The following AP5Z1 variants were observed in gnomAD, a reference collection of about 807,000 sequenced individuals.
The protein encoded by AP5Z1 is adaptor related protein complex 5 subunit zeta 1, also known as AP-5 complex subunit zeta-1.
In AP5Z1, 106 loss-of-function variants were observed where a neutral mutation model predicts 83.0. The observed-to-expected ratio is 1.28, with a 90% confidence interval of 1.09 to 1.50. The LOEUF (loss-of-function observed/expected upper bound fraction) is 1.50. Among genes scored for constraint, AP5Z1 ranks in the 40% most tolerant of loss-of-function variants. AP5Z1 has a pLI of 0.00. For missense variants in AP5Z1, 1,565 were observed against 1,094.2 expected (o/e 1.43, Z -6.07); for synonymous variants, 751 against 514.1 (o/e 1.46, Z -6.23).
In AP5Z1 at chr7:4,788,251, T is replaced by C. The variant is rs1430448695; in HGVS notation, c.1552T>C (p.Phe518Leu). The change falls in exon 12 of 17, where the codon TTC becomes CTC. Residue 518 changes from phenylalanine to leucine, a missense_variant. Coordinates refer to ENST00000649063, the MANE Select transcript of AP5Z1 (RefSeq NM_014855.3). ...CCGGGACCCGCAGTTCCAGGGTCTT[T>C]TCCAATACCTGCTGCGCCCCAAGGC... ...AFRDPQFQGL[F>L]QYLLRPKASG... 1.3e-6 allele frequency: 2 copies of C among 1,587,826 alleles called. No homozygotes were observed. Among genetic ancestry groups the C allele is most frequent in the South Asian group, 1.1e-5 (1 of 87,154 alleles).
chr7:4,787,565 C>G, intron 10 of AP5Z1, 69 bp from the exon 11 acceptor site: 2 of 1,511,604 alleles, frequency 1.3e-6, no homozygotes, highest in Non-Finnish European at 1.8e-6. Context: ...GGGGCCCTAG[C>G]TGGCTCCTCC....
At chr7:4,785,376 G>T (rs770341658) in intron 7 of AP5Z1, 39 bp from the exon 8 acceptor site, 133 of 1,608,064 alleles carry the variant, frequency 8.3e-5, no homozygotes, top group Non-Finnish European at 1.1e-4. Context: ...CCACTCTAAG[G>T]CTGAGACAGA....
chr7:4,779,585 C>G (rs1466972674), intron 1 of AP5Z1, among the ~76,000 whole-genome samples: 1 of 151,562 alleles, frequency 6.6e-6, no homozygotes, highest in Non-Finnish European at 1.5e-5. Flanking sequence ...AGTTCTCCCA[C>G]CTCAGCCTTT....
intron 11 of AP5Z1, 70 bp from the exon 12 acceptor site, chr7:4,788,084 C>T (rs1012060635): frequency 2.7e-5 from 39 of 1,454,822 alleles, no homozygotes; most frequent in South Asian, 4.3e-5. Flanking sequence ...TGCCGTGTGT[C>T]TCCCTGACGG....
At chr7:4,776,988 T>A (rs1339785373) in intron 1 of AP5Z1, among the ~76,000 whole-genome samples, 2 of 152,146 alleles carry the variant, frequency 1.3e-5, no homozygotes, top group Non-Finnish European at 2.9e-5. Flanking sequence ...TGGTTGAAAT[T>A]GCTGTGATTA....
In AP5Z1 at chr7:4,793,587, C is replaced by T. The variant is rs1217615181; in HGVS notation, c.*2202C>T. 1 of 152,418 alleles carries T rather than the reference C, an allele frequency of 6.6e-6. No individual in the cohort carries two copies. The highest frequency in any genetic ancestry group is 1.5e-5 in the Non-Finnish European group (1 of 68,172). 9.4% of individuals were successfully genotyped at this position (152,418 alleles called of 1,614,324 possible). ...GGTGCTTGCGGGCCAGCGCGAGTTCCGGGTGGGCGTGGGCTCTGTGGGCCC... is the reference window on the plus strand; with the variant it reads ...GGTGCTTGCGGGCCAGCGCGAGTTCTGGGTGGGCGTGGGCTCTGTGGGCCC... On this transcript the variant is annotated 3_prime_UTR_variant, in exon 17 of 17. Coordinates refer to ENST00000649063, the MANE Select transcript of AP5Z1 (RefSeq NM_014855.3).
intron 13 of AP5Z1, chr7:4,789,161 GT>G: frequency 1.9e-6 from 1 of 525,178 alleles, no homozygotes; most frequent in Non-Finnish European, 3.4e-6. Flanking sequence ...AGCAGGCCCC[GT>G]TCCCCAGTCC....
At chr7:4,791,074 G>C in intron 16 of AP5Z1, 41 bp from the exon 17 acceptor site, 1 of 1,527,852 alleles carries the variant, frequency 6.5e-7, no homozygotes, top group Non-Finnish European at 8.8e-7. Flanking sequence ...TGTCCTGGGA[G>C]GGGAGCATCT....
At chr7:4,781,104 C>G (rs750861843) in intron 1 of AP5Z1, 71 bp from the exon 2 acceptor site, 258 of 1,569,126 alleles carry the variant, frequency 1.6e-4, no homozygotes, top group Non-Finnish European at 2.1e-4. Flanking sequence ...TTTCCCTGCT[C>G]CAAGGGTTAT....
intron 7 of AP5Z1, 112 bp downstream of exon 7, chr7:4,785,160 C>T: frequency 4.1e-6 from 6 of 1,478,212 alleles, no homozygotes; most frequent in Non-Finnish European, 5.4e-6. Context: ...GAGGGGGTCC[C>T]TGGGTAGCCG....
Position 4,790,684 on chromosome 7 carries a change from C to T in AP5Z1, c.1950C>T (p.Ile650=), listed in dbSNP as rs575998915. The T allele has an allele frequency of 7.1e-5, 115 of 1,611,818 alleles. 1 individual carries two copies. In the South Asian group the frequency reaches 7.5e-4, roughly 10 times the overall value. ...GTCCCCGGGCCTAGGTGTGGGCCAT[C>T]GGCGAGTACCTGTCGGTGACCTACG... ...ASLVTSVVWA[I]GEYLSVTYDR... Residue 650 remains isoleucine (I), a synonymous_variant, in exon 16 of 17, where the codon ATC becomes ATT. Coordinates refer to ENST00000649063, the MANE Select transcript of AP5Z1 (RefSeq NM_014855.3).
At position 4,786,420 on chromosome 7, in the gene AP5Z1, C is replaced by CTCTT; in HGVS notation, c.1305_1308dup (p.Lys437LeufsTer2). 3 of 1,613,834 alleles carry CTCTT rather than the reference C, an allele frequency of 1.9e-6. No individual in the cohort carries two copies. The highest frequency in any genetic ancestry group is 2.5e-6 in the Non-Finnish European group (3 of 1,179,864). On this transcript the variant is annotated frameshift_variant, in exon 10 of 17. Coordinates refer to ENST00000649063, the MANE Select transcript of AP5Z1 (RefSeq NM_014855.3). LOFTEE classifies it high-confidence loss of function. ...CACCCTCAGATTGAGCTTCCCCAACCTCTTTAAGGTATATTTGGGCATCCC... is the reference window on the plus strand; with the variant it reads ...CACCCTCAGATTGAGCTTCCCCAACCTCTTTCTTTAAGGTATATTTGGGCATCCC...
chr7:4,788,203 G>C lies in AP5Z1; in HGVS notation c.1504G>C (p.Ala502Pro), dbSNP rs1359056215. ...ERPLWDTSLR[A>P]PSCLEAFRDP... ...GCCACTCTGGGACACCTCTCTCAGG[G>C]CCCCCAGCTGCCTGGAGGCCTTCCG... Residue 502 changes from alanine (A) to proline (P), a missense_variant, in exon 12 of 17, where the codon GCC (alanine) becomes CCC (proline). Ala to Pro is a conservative substitution (Grantham distance 27, BLOSUM62 -1). Coordinates refer to ENST00000649063, the MANE Select transcript of AP5Z1 (RefSeq NM_014855.3). The C allele has an allele frequency of 6.4e-7, 1 of 1,562,862 alleles. No individual in the cohort carries two copies. Among genetic ancestry groups the C allele is most frequent in the Middle Eastern group, 2.0e-4 (1 of 4,884 alleles).
At position 4,791,141 on chromosome 7, in the gene AP5Z1, G is replaced by A. The variant is rs1250099836; in HGVS notation, c.2180G>A (p.Arg727Lys). 4.4e-6 allele frequency: 7 copies of A among 1,606,536 alleles called. No homozygotes were observed. Among genetic ancestry groups the A allele is most frequent in the Middle Eastern group, 1.7e-4 (1 of 6,052 alleles). ...PRASLLLSKM[R>K]TLAHSPATSS... ...GCCTCTTTATTGCTGTCAAAGATGAGGACCCTGGCTCACAGTCCAGCCACC... is the reference window on the plus strand; with the variant it reads ...GCCTCTTTATTGCTGTCAAAGATGAAGACCCTGGCTCACAGTCCAGCCACC... The change falls in exon 17 of 17, where the codon AGG becomes AAG. Residue 727 changes from arginine (R) to lysine (K), a missense_variant. Physicochemically the swap from Arg to Lys is conservative, Grantham distance 26. Transcript: ENST00000649063.
In AP5Z1 at chr7:4,785,425, G is replaced by T. The variant is rs1781510578; in HGVS notation, c.942G>T (p.Arg314Ser). The change falls in exon 8 of 17, where the codon AGG (arginine) becomes AGT (serine). Residue 314 changes from arginine (R) to serine (S), a missense_variant. Physicochemically the swap from Arg to Ser is moderately radical, Grantham distance 110. Coordinates refer to ENST00000649063, the MANE Select transcript of AP5Z1 (RefSeq NM_014855.3). ...LIEQSNRRALRKGDSDLQKAC... is the reference protein window; with the variant it reads ...LIEQSNRRALSKGDSDLQKAC... The stretch of plus-strand genomic sequence containing the variant: ...TTCCCCTCCTTCCAGGAGCCCTGAG[G>T]AAGGGGGACTCCGACCTGCAGAAAG... 6.2e-7 allele frequency: 1 copy of T among 1,613,294 alleles called. No individual in the cohort carries two copies. The highest frequency in any genetic ancestry group is 1.7e-5 in the Admixed American group (1 of 59,982).
intron 9 of AP5Z1, 89 bp downstream of exon 9, chr7:4,785,773 T>A: frequency 7.1e-7 from 1 of 1,401,314 alleles, no homozygotes; most frequent in Non-Finnish European, 9.3e-7. Flanking sequence ...TTTTTTTTTT[T>A]TTTTTTTGAT....
intron 2 of AP5Z1, 100 bp from the exon 3 acceptor site, chr7:4,781,468 C>T: frequency 6.5e-7 from 1 of 1,534,670 alleles, no homozygotes; most frequent in Non-Finnish European, 8.9e-7. Flanking sequence ...AATGCTCTGT[C>T]CACTGGCCCA....
At position 4,788,257 on chromosome 7, in the gene AP5Z1, T is replaced by A. The variant is rs1353945524; in HGVS notation, c.1558T>A (p.Tyr520Asn). ...RDPQFQGLFQ[Y>N]LLRPKASGAT... ...CCCGCAGTTCCAGGGTCTTTTCCAA[T>A]ACCTGCTGCGCCCCAAGGCCAGTGG... The change falls in exon 12 of 17, where the codon TAC (tyrosine) becomes AAC (asparagine). Residue 520 changes from tyrosine (Y) to asparagine (N), a missense_variant. Coordinates refer to ENST00000649063, the MANE Select transcript of AP5Z1 (RefSeq NM_014855.3). The A allele has an allele frequency of 6.3e-7, 1 of 1,589,308 alleles. No individual in the cohort carries two copies. Among genetic ancestry groups the A allele is most frequent in the Non-Finnish European group, 8.6e-7 (1 of 1,169,374 alleles).
At chr7:4,784,081 G>C (rs1433293433) in intron 5 of AP5Z1, 122 bp from the exon 6 acceptor site, 6 of 1,233,322 alleles carry the variant, frequency 4.9e-6, no homozygotes, top group Non-Finnish European at 6.6e-6. Context: ...ACACAGGGCG[G>C]GCCGCTGCCC....
Sources: gnomAD v4.1 joint callset for allele counts (sites outside exome capture counted in the v4.1 genomes callset) on GRCh38, gnomAD v4.1.1 for gene constraint, MANE v1.5 for transcripts, NCBI Gene and HGNC (gene_info 2026-07-23, HGNC 2026-07-21) for gene names.